Variants in LEPR observed in about 807,000 individuals in gnomAD.
LEPR encodes the protein leptin receptor, also known as OB receptor.
In LEPR, 56 loss-of-function variants were observed where a neutral mutation model predicts 114.7. The ratio of observed to expected loss-of-function variants is 0.49; its 90% CI spans 0.39 to 0.61. LEPR has a LOEUF of 0.61. Ranked by LOEUF, LEPR falls within the 20% of genes least tolerant of loss-of-function variation. The pLI, the probability that LEPR is intolerant of heterozygous loss-of-function variation, is 0.00. For missense variants in LEPR, 1,202 were observed against 1,352.9 expected, an observed-to-expected ratio of 0.89 and a Z score of 1.75; for synonymous variants, 443 against 461.4, an observed-to-expected ratio of 0.96 and a Z score of 0.51.
chr1:65,596,356 TATG>T, intron 6 of LEPR, 89 bp from the exon 7 acceptor site: 1 of 1,501,350 alleles, frequency 6.7e-7, no homozygotes, highest in Non-Finnish European at 9.2e-7. Flanking sequence ...AAAGGCAAGA[TATG>T]ATGAAAATTT....
chr1:65,578,421 C>A, intron 5 of LEPR: 1 of 216,060 alleles, frequency 4.6e-6, no homozygotes, highest in Non-Finnish European at 9.9e-6. Context: ...TCAATTTCTG[C>A]AGCACTGGCA....
intron 1 of LEPR, 124 bp downstream of exon 1, chr1:65,420,864 G>A (rs1435440209): frequency 4.9e-6 from 6 of 1,216,780 alleles, no homozygotes; most frequent in Non-Finnish European, 7.0e-6. Context: ...CCGCCTCTCC[G>A]GTTCGGGAGG....
intron 18 of LEPR, 65 bp downstream of exon 18, chr1:65,621,523 A>G: frequency 7.6e-7 from 1 of 1,320,120 alleles, no homozygotes; most frequent in Non-Finnish European, 1.1e-6. Flanking sequence ...ACCCTGATTT[A>G]AAACCTTCTA....
intron 19 of LEPR, chr1:65,634,485 CT>C (rs1658644760): frequency 1.1e-6 from 1 of 946,200 alleles, no homozygotes; most frequent in Non-Finnish European, 1.3e-6. Flanking sequence ...AATGGATATA[CT>C]TTTAATAAAG....
rs149420383 is a variant in LEPR at position 65,548,923 on chromosome 1, G to C, written c.-20-16623G>C. ...TAGCCTCGAAGGTCTTTACAATTTG[G>C]CATGATTTTGCAGTGGCTGGTACCA... On this transcript the variant is annotated intron_variant, in intron 2 of 19. Coordinates refer to ENST00000349533, the MANE Select transcript of LEPR (RefSeq NM_002303.6). 6.6e-3 allele frequency among the ~76,000 whole-genome samples: 1,001 copies of C among 152,242 alleles called. 13 individuals are homozygous for C. The highest frequency in any genetic ancestry group is 0.022 in the African/African-American group (915 of 41,542).
intron 2 of LEPR, among the ~76,000 whole-genome samples, chr1:65,512,581 G>A (rs1302414191): frequency 6.6e-6 from 1 of 152,188 alleles, no homozygotes; most frequent in Admixed American, 6.5e-5. Context: ...GGCCAGGAAG[G>A]AGAGTCATTG....
chr1:65,590,703 TC>T (rs1655637598), intron 5 of LEPR, among the ~76,000 whole-genome samples: 1 of 152,072 alleles, frequency 6.6e-6, no homozygotes, highest in South Asian at 2.1e-4. Context: ...GGGTATTTCT[TC>T]CTAGCAGCAT....
intron 2 of LEPR, chr1:65,432,992 G>T: frequency 5.1e-6 from 5 of 985,362 alleles, no homozygotes; most frequent in Non-Finnish European, 6.0e-6. Flanking sequence ...TCTCAGTGGG[G>T]AACAGATGTA....
chr1:65,460,613 G>A (rs921178035), intron 2 of LEPR, among the ~76,000 whole-genome samples: 2 of 152,254 alleles, frequency 1.3e-5, no homozygotes. Flanking sequence ...GGCCATGCGC[G>A]ATGGCTCACG....
At chr1:65,532,511 T>G (rs896583589) in intron 2 of LEPR, among the ~76,000 whole-genome samples, 4 of 152,118 alleles carry the variant, frequency 2.6e-5, no homozygotes, top group Non-Finnish European at 5.9e-5. Context: ...AAAATATACA[T>G]CCACACAAAA....
chr1:65,596,412 A>G, intron 6 of LEPR, 36 bp from the exon 7 acceptor site: 2 of 1,609,562 alleles, frequency 1.2e-6, no homozygotes, highest in Non-Finnish European at 1.7e-6. Flanking sequence ...CATGAAAATT[A>G]CTTGACTTAA....
Position 65,622,698 on chromosome 1 carries a change from C to T in LEPR, c.2598-208C>T, listed in dbSNP as rs114989957. ...GCACACAGCTTTCAATAAGTATTGG[C>T]TATTTCTATTATTACAGTGATTTTC... On this transcript the variant is annotated intron_variant, in intron 18 of 19. Coordinates refer to ENST00000349533, the MANE Select transcript of LEPR (RefSeq NM_002303.6). Among the ~76,000 whole-genome samples the T allele has an allele frequency of 0.013, 1,952 of 152,178 alleles. 37 individuals carry two copies. Among genetic ancestry groups the T allele is most frequent in the African/African-American group, 0.045 (1,852 of 41,518 alleles).
chr1:65,433,144 T>G lies in LEPR; in HGVS notation c.-21+7766T>G, dbSNP rs1382328455. Reference sequence around the variant, plus strand: ...TTACATTTCCTTTATGATCTGGCACTTCTCCCCAGCTCCTTCCCTCTGCCC... The same window carrying G: ...TTACATTTCCTTTATGATCTGGCACGTCTCCCCAGCTCCTTCCCTCTGCCC... On this transcript the variant is annotated intron_variant, in intron 2 of 19. Transcript: ENST00000349533. The G allele has an allele frequency of 3.0e-6, 3 of 985,346 alleles. No homozygotes were observed. The East Asian group carries it at 3.4e-4, about 112-fold the overall frequency. The allele number at this position is 985,346 out of a possible 1,614,324, so 61.0% of individuals were successfully genotyped here.
At chr1:65,607,159 TAC>T (rs1310327320) in intron 11 of LEPR, among the ~76,000 whole-genome samples, 3 of 152,218 alleles carry the variant, frequency 2.0e-5, no homozygotes, top group Non-Finnish European at 4.4e-5. Context: ...ACAGAGTGTC[TAC>T]ATTTGGCCTT....
rs747170074 is a variant in LEPR, at chr1:65,570,510, T to C, written c.78T>C (p.Tyr26=). 3 of 1,613,936 alleles carry C rather than the reference T, an allele frequency of 1.9e-6. No individual in the cohort carries two copies. The highest frequency in any genetic ancestry group is 1.1e-5 in the South Asian group (1 of 91,042). Residue 26 remains tyrosine, a synonymous_variant, in exon 4 of 20, where the codon TAT becomes TAC. Transcript: ENST00000349533. Reference sequence around the variant, plus strand: ...TGATAACTGCGTTTAACTTGTCATATCCAATTACTCCTTGGAGATTTAAGT... The same window carrying C: ...TGATAACTGCGTTTAACTTGTCATACCCAATTACTCCTTGGAGATTTAAGT... ...IYVITAFNLS[Y]PITPWRFKLS...
rs1570868226 is a variant in LEPR, at chr1:65,633,930, A to G, written c.2674-2261A>G. On this transcript the variant is annotated intron_variant, in intron 19 of 19. Coordinates refer to ENST00000349533, the MANE Select transcript of LEPR (RefSeq NM_002303.6). This position sits in a 1 kb window ranked among gnomAD's most constrained non-coding sequence, Gnocchi z 4.1. ...CAGATTGACGGGACCAGAAGGGAAC[A>G]TCGACTTCTAATCCAGCTTTCTTGT... 1.0e-6 allele frequency: 1 copy of G among 985,450 alleles called. No individual in the cohort carries two copies. 61.0% of individuals were successfully genotyped at this position (985,450 alleles called of 1,614,324 possible).
At chr1:65,593,421 A>G (rs1461020643) in intron 6 of LEPR, among the ~76,000 whole-genome samples, 1 of 152,114 alleles carries the variant, frequency 6.6e-6, no homozygotes, top group Non-Finnish European at 1.5e-5. Context: ...AAGATCCCCC[A>G]AATCTCTTTT....
At chr1:65,573,510 A>C (rs151097940) in intron 5 of LEPR, among the ~76,000 whole-genome samples, 2 of 152,266 alleles carry the variant, frequency 1.3e-5, no homozygotes, top group African/African-American at 4.8e-5. Flanking sequence ...TCAAATAGCC[A>C]TATACTTATA....
At position 65,633,583 on chromosome 1, in the gene LEPR, T is replaced by G; in HGVS notation, c.2674-2608T>G. The G allele has an allele frequency of 7.0e-6, 7 of 993,712 alleles. No individual in the cohort carries two copies. Among genetic ancestry groups the G allele is most frequent in the Non-Finnish European group, 7.2e-6 (6 of 834,518 alleles). 61.6% of individuals were successfully genotyped at this position (993,712 alleles called of 1,614,324 possible). A position where few individuals can be genotyped will look rare whatever the true frequency, so the allele number is the denominator to read the frequency against. On this transcript the variant is annotated intron_variant, in intron 19 of 19. Coordinates refer to ENST00000349533, the MANE Select transcript of LEPR (RefSeq NM_002303.6). This position sits in a 1 kb window ranked among gnomAD's most constrained non-coding sequence, Gnocchi z 4.1. ...CTCTAAAACTGCAACATCTGACAAA[T>G]AGCTTTAAAAATACAATGATTATAA...
Sources: gnomAD v4.1 joint callset for allele counts (sites outside exome capture counted in the v4.1 genomes callset) on GRCh38, gnomAD v4.1.1 for gene constraint, Gnocchi (gnomAD v3.1) non-coding constraint, MANE v1.5 for transcripts, NCBI Gene and HGNC (gene_info 2026-07-23, HGNC 2026-07-21) for gene names.